Variants in ZFAND3 observed in about 807,000 individuals in gnomAD.
ZFAND3 encodes the protein zinc finger AN1-type containing 3.
In ZFAND3, 10 loss-of-function variants were observed where a neutral mutation model predicts 29.6. The observed-to-expected ratio is 0.34, with a 90% confidence interval of 0.21 to 0.57. The LOEUF (loss-of-function observed/expected upper bound fraction) is 0.57. Among genes scored for constraint, ZFAND3 ranks in the 20% least tolerant of loss-of-function variants. The pLI is 0.86. For missense variants in ZFAND3, 230 were observed against 304.5 expected, an observed-to-expected ratio of 0.76 and a Z score of 1.82; for synonymous variants, 128 against 112.6, an observed-to-expected ratio of 1.14 and a Z score of -0.87.
intron 2 of ZFAND3, among the ~76,000 whole-genome samples, chr6:38,047,981 T>TG (rs1182782774): frequency 1.3e-5 from 2 of 151,538 alleles, no homozygotes; most frequent in South Asian, 4.2e-4. Context: ...TTGTTTTTTT[T>TG]TTTTTTACTT....
rs111470089 is a variant in ZFAND3 at position 38,091,054 on chromosome 6, G to T, written c.361+8597G>T. On this transcript the variant is annotated intron_variant, in intron 4 of 5. Transcript: ENST00000287218. ...GCAGGGGCTCCTCTTCTGAGAAAAG[G>T]CTGAACATAAGTGAATAAGTGGAAC... is the stretch of plus-strand genomic sequence containing the variant. Among the ~76,000 whole-genome samples, 62 of 152,306 alleles carry T rather than the reference G, an allele frequency of 4.1e-4. 1 individual carries two copies. The highest frequency in any genetic ancestry group is 7.8e-4 in the Admixed American group (12 of 15,302).
At chr6:37,916,542 C>T (rs1407516474) in intron 1 of ZFAND3, among the ~76,000 whole-genome samples, 3 of 151,984 alleles carry the variant, frequency 2.0e-5, no homozygotes, top group Non-Finnish European at 2.9e-5. Flanking sequence ...TGCCTGTAAT[C>T]CCAGCTACTC....
intron 1 of ZFAND3, among the ~76,000 whole-genome samples, chr6:37,915,421 C>T (rs1205845174): frequency 1.3e-5 from 2 of 152,222 alleles, no homozygotes; most frequent in African/African-American, 4.8e-5. Context: ...TCTTGGCTTT[C>T]AACATGCCTT....
chr6:37,988,863 GT>G lies in ZFAND3; in HGVS notation c.112+58871del, dbSNP rs1379684202. On this transcript the variant is annotated intron_variant, in intron 2 of 5. Coordinates refer to ENST00000287218, the MANE Select transcript of ZFAND3 (RefSeq NM_021943.3). Reference sequence around the variant, plus strand: ...TCCTGAGTGGTGTGCTTGTTCGCATGTTTTTTTAAGGGTCTAGTTTTATTCA... The same window carrying G: ...TCCTGAGTGGTGTGCTTGTTCGCATGTTTTTTAAGGGTCTAGTTTTATTCA... 3.3e-5 allele frequency among the ~76,000 whole-genome samples: 5 copies of G among 151,778 alleles called. No individual in the cohort carries two copies. In the East Asian group the frequency reaches 7.7e-4, roughly 23 times the overall value.
At chr6:37,892,410 A>G (rs565728708) in intron 1 of ZFAND3, among the ~76,000 whole-genome samples, 1 of 152,302 alleles carries the variant, frequency 6.6e-6, no homozygotes, top group Admixed American at 6.5e-5. Flanking sequence ...TGGGGAAGCA[A>G]CATAGTGAGA....
chr6:38,090,682 A>G (rs1034253331), intron 4 of ZFAND3, among the ~76,000 whole-genome samples: 21 of 152,106 alleles, frequency 1.4e-4, no homozygotes, highest in African/African-American at 4.8e-4. Flanking sequence ...TAATCTACTA[A>G]TTGCTTTCCC....
chr6:37,896,523 T>TTTCTTTCC (rs1765210469), intron 1 of ZFAND3, among the ~76,000 whole-genome samples: 1 of 106,898 alleles, frequency 9.4e-6, no homozygotes, highest in Non-Finnish European at 1.8e-5. Context: ...CTTTTCTTTC[T>TTTCTTTCC]TTCTTTCTTT....
At chr6:37,882,704 T>G (rs1259999709) in intron 1 of ZFAND3, among the ~76,000 whole-genome samples, 1 of 150,000 alleles carries the variant, frequency 6.7e-6, no homozygotes, top group Non-Finnish European at 1.5e-5. Flanking sequence ...CCAGACTAGG[T>G]TAGCCCACTA....
chr6:38,054,408 A>C (rs903104343), intron 2 of ZFAND3, among the ~76,000 whole-genome samples: 4 of 151,300 alleles, frequency 2.6e-5, no homozygotes, highest in Admixed American at 2.0e-4. Context: ...TAAAAAAAAA[A>C]AAAAAACAAG....
chr6:38,035,193 G>A lies in ZFAND3; in HGVS notation c.113-26400G>A, dbSNP rs77722665. On this transcript the variant is annotated intron_variant, in intron 2 of 5. Transcript: ENST00000287218. ...GAACTATAGCTGAAGTGTGTAACTC[G>A]AGAGCAGTAAGAAATACTTAAAAGT... Among the ~76,000 whole-genome samples, 1,143 of 152,122 alleles carry A rather than the reference G, an allele frequency of 7.5e-3. 12 individuals carry two copies. The highest frequency in any genetic ancestry group is 0.026 in the African/African-American group (1,063 of 41,514).
intron 1 of ZFAND3, among the ~76,000 whole-genome samples, chr6:37,897,717 A>G (rs1765244916): frequency 6.6e-6 from 1 of 152,136 alleles, no homozygotes; most frequent in Non-Finnish European, 1.5e-5. Flanking sequence ...TTTAATTTGC[A>G]TTGTCTGATG....
chr6:38,045,681 C>G (rs1242339084), intron 2 of ZFAND3, among the ~76,000 whole-genome samples: 2 of 152,154 alleles, frequency 1.3e-5, no homozygotes, highest in Non-Finnish European at 2.9e-5. Flanking sequence ...AACACTACCT[C>G]TTTCTAATAA....
chr6:37,895,459 C>CTTTTTTTT (rs11331881), intron 1 of ZFAND3, among the ~76,000 whole-genome samples: 45 of 76,742 alleles, frequency 5.9e-4, no homozygotes, highest in South Asian at 1.2e-3. Context: ...CTCAGAGGTT[C>CTTTTTTTT]TTTTTTTTTT....
At chr6:37,918,819 G>GA (rs1301712797) in intron 1 of ZFAND3, among the ~76,000 whole-genome samples, 1 of 151,976 alleles carries the variant, frequency 6.6e-6, no homozygotes, top group African/African-American at 2.4e-5. Flanking sequence ...TTAGCCAGAA[G>GA]AAAAATAAGG....
chr6:38,068,603 C>T lies in ZFAND3; in HGVS notation c.295+6828C>T, dbSNP rs1028389110. Among the ~76,000 whole-genome samples the T allele has an allele frequency of 7.2e-5, 11 of 152,192 alleles. 1 individual carries two copies. The highest frequency in any genetic ancestry group is 3.3e-4 in the Admixed American group (5 of 15,300). Reference sequence around the variant, plus strand: ...TTTAGATAGTGACCCTCCTTAAGTCCCAAGAGAGGGCCACAACTGAACTCT... The same window carrying T: ...TTTAGATAGTGACCCTCCTTAAGTCTCAAGAGAGGGCCACAACTGAACTCT... On this transcript the variant is annotated intron_variant, in intron 3 of 5. Coordinates refer to ENST00000287218, the MANE Select transcript of ZFAND3 (RefSeq NM_021943.3).
At chr6:37,961,444 A>G (rs1762193837) in intron 2 of ZFAND3, among the ~76,000 whole-genome samples, 1 of 152,196 alleles carries the variant, frequency 6.6e-6, no homozygotes, top group Admixed American at 6.5e-5. Context: ...CCCTGAAGGG[A>G]AGGACATAGG....
At chr6:38,097,179 G>A (rs1437287329) in intron 4 of ZFAND3, among the ~76,000 whole-genome samples, 4 of 151,714 alleles carry the variant, frequency 2.6e-5, no homozygotes, top group Non-Finnish European at 4.4e-5. Context: ...GGGCTCAAAC[G>A]ATCCTCCTAC....
chr6:37,945,879 T>G (rs1257331139), intron 2 of ZFAND3, among the ~76,000 whole-genome samples: 1 of 152,210 alleles, frequency 6.6e-6, no homozygotes, highest in African/African-American at 2.4e-5. Context: ...CTTGCTTGAG[T>G]GCTTATCAGA....
chr6:38,060,378 C>T (rs770635440), intron 2 of ZFAND3, among the ~76,000 whole-genome samples: 18 of 151,912 alleles, frequency 1.2e-4, no homozygotes, highest in East Asian at 3.9e-4. Flanking sequence ...TCTCCCCTCC[C>T]GTTTTTCTTT....
Sources: allele counts gnomAD v4.1 joint callset (sites outside exome capture counted in the v4.1 genomes callset), GRCh38; gene constraint gnomAD v4.1.1; transcripts MANE v1.5; gene names NCBI Gene and HGNC (gene_info 2026-07-23, HGNC 2026-07-21).